The following NECAB2 variants were observed in gnomAD, a reference collection of about 807,000 sequenced individuals.
The protein encoded by NECAB2 is N-terminal EF-hand calcium-binding protein 2.
NECAB2 carries 68 observed loss-of-function variants against 51.9 expected under a neutral mutation model. The observed-to-expected ratio is 1.31, with a 90% CI of 1.08 to 1.60. NECAB2 has a LOEUF of 1.60. Ranked by LOEUF, NECAB2 falls within the 40% of genes most tolerant of loss-of-function variation. The pLI, the probability that NECAB2 is intolerant of heterozygous loss-of-function variation, is 0.00. For synonymous variants in NECAB2, 329 were observed against 203.5 expected (o/e 1.62, Z -5.25); for missense variants, 854 against 490.3 (o/e 1.74, Z -7.00).
chr16:84,000,833 G>C (rs982571804), intron 11 of NECAB2, 32 bp downstream of exon 11: 1 of 1,399,968 alleles, frequency 7.1e-7, no homozygotes, highest in African/African-American at 1.5e-5. Flanking sequence ...GCAGGTGAGG[G>C]AGACAGAGGG....
intron 11 of NECAB2, among the ~76,000 whole-genome samples, 198 bp from the exon 12 acceptor site, chr16:84,001,627 A>G (rs2084837877): frequency 6.6e-6 from 1 of 152,070 alleles, no homozygotes; most frequent in Non-Finnish European, 1.5e-5. Context: ...CTCACAGGGA[A>G]AAAGAGAAGC....
chr16:83,965,320 C>A, upstream of NECAB2: 1 of 1,581,596 alleles, frequency 6.3e-7, no homozygotes, highest in South Asian at 1.1e-5. Flanking sequence ...CAGGCACGTT[C>A]GACAGCCCGG....
chr16:83,972,613 C>T (rs1232388211), intron 2 of NECAB2, among the ~76,000 whole-genome samples: 2 of 152,230 alleles, frequency 1.3e-5, no homozygotes, highest in Non-Finnish European at 2.9e-5. Context: ...AGTCAGTGCT[C>T]TTGCCTCTGT....
At position 84,001,032 on chromosome 16, in the gene NECAB2, G is replaced by C. The variant is rs1255584367; in HGVS notation, c.1040+231G>C. ...CAGCTGGGCTTTCCTGCTTTCCCCA[G>C]GGTTGCTTCTGTGCCCCTAGAGCAC... On this transcript the variant is annotated intron_variant, in intron 11 of 12. Coordinates refer to ENST00000305202, the MANE Select transcript of NECAB2 (RefSeq NM_019065.3). Among the ~76,000 whole-genome samples the C allele has an allele frequency of 2.0e-5, 3 of 152,072 alleles. No individual in the cohort carries two copies. The East Asian group carries it at 5.8e-4, about 29-fold the overall frequency.
intron 2 of NECAB2, among the ~76,000 whole-genome samples, chr16:83,975,424 C>A (rs1663210998): frequency 6.6e-6 from 1 of 152,020 alleles, no homozygotes; most frequent in Non-Finnish European, 1.5e-5. Flanking sequence ...CAGGACTGCT[C>A]AACACTGACG....
intron 5 of NECAB2, among the ~76,000 whole-genome samples, chr16:83,986,679 A>ATTT (rs113038465): frequency 4.4e-5 from 6 of 135,106 alleles, no homozygotes; most frequent in South Asian, 2.4e-4. Context: ...CTCACGGCAA[A>ATTT]TTTTTTTTTT....
intron 6 of NECAB2, among the ~76,000 whole-genome samples, chr16:83,993,067 C>T (rs550531242): frequency 6.6e-6 from 1 of 152,116 alleles, no homozygotes; most frequent in Admixed American, 6.5e-5. Flanking sequence ...GGCAGCTTGT[C>T]GTGATACCTC....
intron 12 of NECAB2, 37 bp from the exon 13 acceptor site, chr16:84,002,281 C>T (rs367644076): frequency 7.5e-5 from 121 of 1,612,488 alleles, no homozygotes; most frequent in Non-Finnish European, 6.7e-5. Context: ...TGCCCACATT[C>T]GCACTCCTTC....
At chr16:83,980,935 A>AG in intron 4 of NECAB2, 71 bp downstream of exon 4, 1 of 1,610,476 alleles carries the variant, frequency 6.2e-7, no homozygotes, top group Non-Finnish European at 8.5e-7. Context: ...GGCCTGAGGC[A>AG]GGGGAGGCTG....
At chr16:83,966,571 G>A (rs956288134), upstream of NECAB2, among the ~76,000 whole-genome samples, 17 of 151,920 alleles carry the variant, frequency 1.1e-4, no homozygotes, top group Non-Finnish European at 2.4e-4. Flanking sequence ...AGGCAGTGAT[G>A]TCCAGGAGGG....
upstream of NECAB2, among the ~76,000 whole-genome samples, chr16:83,967,771 G>GATGC (rs141453750): frequency 0.062 from 8,844 of 141,872 alleles, 429 homozygotes; most frequent in African/African-American, 0.084. Flanking sequence ...TGGATGGATG[G>GATGC]AGGGTGGATG....
At chr16:83,995,200 G>C (rs2084680103) in intron 8 of NECAB2, among the ~76,000 whole-genome samples, 1 of 152,236 alleles carries the variant, frequency 6.6e-6, no homozygotes, top group South Asian at 2.1e-4. Context: ...AACATTTTCA[G>C]ATAATGTTTC....
At chr16:83,982,226 A>G (rs764527623) in intron 5 of NECAB2, among the ~76,000 whole-genome samples, 1 of 152,182 alleles carries the variant, frequency 6.6e-6, no homozygotes, top group Non-Finnish European at 1.5e-5. Context: ...ACCGCCATGT[A>G]TTAGACAGTC....
rs528225395 is a variant in NECAB2, at chr16:83,983,639, T to C, written c.459+2512T>C. Among the ~76,000 whole-genome samples, 12 of 152,330 alleles carry C rather than the reference T, an allele frequency of 7.9e-5. 1 individual carries two copies. The highest frequency in any genetic ancestry group is 2.4e-4 in the African/African-American group (10 of 41,582). ...TGGGGTGGATGCTATTTTTAGATTGTCTCAAATTGAACAATCCTTCGCTCC... is the reference window on the plus strand; with the variant it reads ...TGGGGTGGATGCTATTTTTAGATTGCCTCAAATTGAACAATCCTTCGCTCC... On this transcript the variant is annotated intron_variant, in intron 5 of 12. Coordinates refer to ENST00000305202, the MANE Select transcript of NECAB2 (RefSeq NM_019065.3).
In NECAB2 at chr16:83,999,624, T is replaced by C. The variant is rs149026735; in HGVS notation, c.963-1100T>C. ...TTTATGGTCACTTGGGGCTTCCTCA[T>C]TGTAGTGCACTTGCAGAGAGGATTC... On this transcript the variant is annotated intron_variant, in intron 10 of 12. Transcript: ENST00000305202. Among the ~76,000 whole-genome samples, 32 of 152,186 alleles carry C rather than the reference T, an allele frequency of 2.1e-4. No homozygotes were observed. The East Asian group carries it at 6.2e-3, about 30-fold the overall frequency.
chr16:84,000,884 G>A lies in NECAB2; in HGVS notation c.1040+83G>A, dbSNP rs1419894564. 8 of 1,414,046 alleles carry A rather than the reference G, an allele frequency of 5.7e-6. No homozygotes were observed. In the Admixed American group the frequency reaches 1.2e-4, roughly 21 times the overall value. The allele number at this position is 1,414,046 out of a possible 1,614,324, so 87.6% of individuals were successfully genotyped here. On this transcript the variant is annotated intron_variant, in intron 11 of 12. Transcript: ENST00000305202. ...CTTCCTGGAGCCAGGCATCCTTGGA[G>A]GGGAGGGTAAGGCCGAGTCCAGTCA... is the stretch of plus-strand genomic sequence containing the variant.
chr16:83,998,344 G>A, intron 10 of NECAB2, 27 bp downstream of exon 10: 2 of 1,606,344 alleles, frequency 1.2e-6, no homozygotes, highest in Non-Finnish European at 1.7e-6. Context: ...GGCGTGGGTG[G>A]GATGGTGGCA....
chr16:84,000,856 T>A, intron 11 of NECAB2, 55 bp downstream of exon 11: 1 of 1,569,538 alleles, frequency 6.4e-7, no homozygotes, highest in Non-Finnish European at 8.8e-7. Context: ...GTGGGGGGGC[T>A]GTCTTCCTGG....
In NECAB2 at chr16:83,985,527, G is replaced by A. The variant is rs188702780; in HGVS notation, c.459+4400G>A. 2.4e-4 allele frequency among the ~76,000 whole-genome samples: 37 copies of A among 151,162 alleles called. 1 individual carries two copies. The highest frequency in any genetic ancestry group is 1.2e-4 in the African/African-American group (5 of 41,160). The stretch of plus-strand genomic sequence containing the variant: ...AGTTGTGTGTAATCCCAGCTACTTG[G>A]GAGAGTGAGGCAGGAGAATGACTTG... On this transcript the variant is annotated intron_variant, in intron 5 of 12. Transcript: ENST00000305202.
Sources: gnomAD v4.1 joint callset for allele counts (sites outside exome capture counted in the v4.1 genomes callset) on GRCh38, gnomAD v4.1.1 for gene constraint, MANE v1.5 for transcripts, NCBI Gene and HGNC (gene_info 2026-07-23, HGNC 2026-07-21) for gene names.